The following ABCB1 variants were observed in gnomAD, a reference collection of about 807,000 sequenced individuals.
The protein encoded by ABCB1 is ATP binding cassette subfamily B member 1.
ABCB1 carries 69 observed loss-of-function variants against 142.0 expected under a neutral mutation model. The ratio of observed to expected loss-of-function variants is 0.49; its 90% CI spans 0.40 to 0.59. The LOEUF (loss-of-function observed/expected upper bound fraction) is 0.59, where lower values mean the gene tolerates loss of function less well. Ranked by LOEUF, ABCB1 falls within the 20% of genes least tolerant of loss-of-function variation. The pLI, the probability that ABCB1 is intolerant of heterozygous loss-of-function variation, is 0.00. For synonymous variants in ABCB1, 532 were observed against 539.2 expected, an observed-to-expected ratio of 0.99 and a Z score of 0.18; for missense variants, 1,326 against 1,554.7, an observed-to-expected ratio of 0.85 and a Z score of 2.47.
intron 1 of ABCB1, among the ~76,000 whole-genome samples, chr7:87,706,810 G>T (rs1272871316): frequency 6.6e-6 from 1 of 152,124 alleles, no homozygotes; most frequent in Non-Finnish European, 1.5e-5. Flanking sequence ...TTTTCCTATG[G>T]GGTTGTTGCC....
At chr7:87,704,118 A>C (rs1829384400) in intron 1 of ABCB1, among the ~76,000 whole-genome samples, 1 of 150,942 alleles carries the variant, frequency 6.6e-6, no homozygotes, top group Admixed American at 6.6e-5. Context: ...ACAGGGTTTC[A>C]CCATATTGGC....
rs1189919755 is a variant in ABCB1 at position 87,553,816 on chromosome 7, C to T, written c.944G>A (p.Trp315Ter). The change falls in exon 9 of 28, where the codon TGG (tryptophan) becomes TAG (stop). Residue 315 changes from tryptophan to a stop codon, truncating the protein, a stop_gained. Transcript: ENST00000622132. LOFTEE classifies it high-confidence loss of function. The part of the protein sequence containing the change: ...LIYASYALAF[W>*]YGTTLVLSGE... ...TGAGAGGACCAAGGTGGTCCCATAC[C>T]AGAAGGCCAGAGCATAAGATGCATA... 1 of 1,613,942 alleles carries T rather than the reference C, an allele frequency of 6.2e-7. No individual in the cohort carries two copies. The highest frequency in any genetic ancestry group is 1.3e-5 in the African/African-American group (1 of 74,898).
intron 1 of ABCB1, among the ~76,000 whole-genome samples, chr7:87,652,358 G>A (rs962055812): frequency 9.2e-5 from 14 of 151,892 alleles, no homozygotes; most frequent in Non-Finnish European, 5.9e-5. Context: ...TGCCTCCTGC[G>A]CACTAATCTG....
At chr7:87,683,217 GT>G (rs1230030105) in intron 1 of ABCB1, among the ~76,000 whole-genome samples, 2 of 152,178 alleles carry the variant, frequency 1.3e-5, no homozygotes, top group Non-Finnish European at 2.9e-5. Flanking sequence ...TTAAGAGAAT[GT>G]TGTGGCTGGT....
chr7:87,626,259 G>C (rs866624902), intron 1 of ABCB1, among the ~76,000 whole-genome samples: 51 of 56,322 alleles, frequency 9.1e-4, no homozygotes, highest in South Asian at 3.7e-3. Flanking sequence ...TCATATATAT[G>C]TGTCATATAT....
intron 3 of ABCB1, among the ~76,000 whole-genome samples, chr7:87,594,359 C>T (rs948507713): frequency 6.6e-6 from 1 of 152,152 alleles, no homozygotes; most frequent in South Asian, 2.1e-4. Flanking sequence ...GCTTGGCACA[C>T]AGTGCTTTAT....
At chr7:87,558,499 T>G (rs962078482) in intron 8 of ABCB1, among the ~76,000 whole-genome samples, 1 of 152,180 alleles carries the variant, frequency 6.6e-6, no homozygotes, top group African/African-American at 2.4e-5. Context: ...TTTCCAATAC[T>G]TACTGTTTTT....
chr7:87,676,974 TAAC>T (rs1826431796), intron 1 of ABCB1, among the ~76,000 whole-genome samples: 1 of 152,032 alleles, frequency 6.6e-6, no homozygotes, highest in Non-Finnish European at 1.5e-5. Context: ...AATCAAAAGA[TAAC>T]AAGTGTTGGC....
chr7:87,697,476 G>A (rs528552417), intron 1 of ABCB1, among the ~76,000 whole-genome samples: 40 of 152,264 alleles, frequency 2.6e-4, no homozygotes, highest in African/African-American at 9.1e-4. Context: ...AACATTTGAG[G>A]AAGTAACTTT....
chr7:87,684,282 T>C (rs1335734226), intron 1 of ABCB1, among the ~76,000 whole-genome samples: 1 of 152,196 alleles, frequency 6.6e-6, no homozygotes, highest in Admixed American at 6.5e-5. Context: ...ATAGATTCAA[T>C]GCAATCTCAA....
At chr7:87,562,448 G>C (rs1041103160) in intron 7 of ABCB1, among the ~76,000 whole-genome samples, 3 of 152,264 alleles carry the variant, frequency 2.0e-5, no homozygotes, top group Admixed American at 1.3e-4. Context: ...CTGTAGAATA[G>C]AGGAGGCTCA....
chr7:87,504,446 C>A lies in ABCB1; in HGVS notation c.3640G>T (p.Val1214Phe). 6.2e-7 allele frequency: 1 copy of A among 1,614,038 alleles called. No homozygotes were observed. The highest frequency in any genetic ancestry group is 8.5e-7 in the Non-Finnish European group (1 of 1,179,926). ...CTGGCTTTGTCCAGGGCTTCTTGGA[C>A]AACCTATTCCATAATCACATAGATT... is the stretch of plus-strand genomic sequence containing the variant. The part of the protein sequence containing the change: ...SALDTESEKV[V>F]QEALDKAREG... The change falls in exon 28 of 28, where the codon GTC (valine) becomes TTC (phenylalanine). Residue 1214 changes from valine to phenylalanine, a missense_variant. Transcript: ENST00000622132.
At chr7:87,549,642 TC>T in intron 13 of ABCB1, 124 bp from the exon 14 acceptor site, 1 of 1,492,578 alleles carries the variant, frequency 6.7e-7, no homozygotes, top group East Asian at 2.3e-5. Context: ...GTTCTTTAAA[TC>T]TTATTTAACA....
intron 1 of ABCB1, among the ~76,000 whole-genome samples, chr7:87,673,877 G>GT (rs989224439): frequency 7.2e-5 from 11 of 152,050 alleles, no homozygotes; most frequent in Admixed American, 3.3e-4. Flanking sequence ...CCTTGGATGG[G>GT]TTTTTTTGCT....
chr7:87,692,713 T>A (rs1828127491), intron 1 of ABCB1, among the ~76,000 whole-genome samples: 1 of 152,240 alleles, frequency 6.6e-6, no homozygotes, highest in African/African-American at 2.4e-5. Flanking sequence ...AAATGTGGTT[T>A]AAATATTAGG....
At chr7:87,711,207 T>C (rs1830051118) in intron 1 of ABCB1, among the ~76,000 whole-genome samples, 2 of 151,824 alleles carry the variant, frequency 1.3e-5, no homozygotes, top group Admixed American at 1.3e-4. Flanking sequence ...ATGCCTGTAA[T>C]CCCAGCTACT....
chr7:87,650,802 C>T, intron 1 of ABCB1: 1 of 1,480,060 alleles, frequency 6.8e-7, no homozygotes, highest in East Asian at 2.3e-5. Context: ...CTAAAAGCAA[C>T]AATAATCTTT....
chr7:87,677,461 G>A (rs1243613953), intron 1 of ABCB1, among the ~76,000 whole-genome samples: 1 of 152,018 alleles, frequency 6.6e-6, no homozygotes, highest in African/African-American at 2.4e-5. Flanking sequence ...TAGATATGGA[G>A]CCTAAAAATA....
chr7:87,524,033 A>G (rs1473979756), intron 21 of ABCB1, among the ~76,000 whole-genome samples: 1 of 152,218 alleles, frequency 6.6e-6, no homozygotes, highest in Admixed American at 6.5e-5. Context: ...ATAGCTTAAA[A>G]TCATAAACAT....
Sources: gnomAD v4.1 joint callset for allele counts (sites outside exome capture counted in the v4.1 genomes callset) on GRCh38, gnomAD v4.1.1 for gene constraint, MANE v1.5 for transcripts, NCBI Gene and HGNC (gene_info 2026-07-23, HGNC 2026-07-21) for gene names.